The following MFHAS1 variants were observed in gnomAD, a reference collection of about 807,000 sequenced individuals.
MFHAS1 encodes the protein malignant fibrous histiocytoma-amplified sequence 1.
A neutral mutation model predicts 70.4 loss-of-function variants in MFHAS1; 50 were observed. The ratio of observed to expected loss-of-function variants is 0.71; its 90% CI spans 0.57 to 0.90. MFHAS1 has a LOEUF of 0.90. Ranked by LOEUF, MFHAS1 falls within the 40% of genes least tolerant of loss-of-function variation. The pLI, the probability that MFHAS1 is intolerant of heterozygous loss-of-function variation, is 0.00. For missense variants in MFHAS1, 1,795 were observed against 1,347.6 expected (o/e 1.33, Z -5.20); for synonymous variants, 952 against 620.0 (o/e 1.54, Z -7.96).
intron 1 of MFHAS1, among the ~76,000 whole-genome samples, chr8:8,855,999 C>G (rs191677359): frequency 1.1e-4 from 16 of 152,304 alleles, no homozygotes; most frequent in Non-Finnish European, 1.5e-5. Context: ...TCAGTTATTT[C>G]AATGCCAAAT....
chr8:8,841,959 C>G (rs1807844224), intron 1 of MFHAS1, among the ~76,000 whole-genome samples: 1 of 152,234 alleles, frequency 6.6e-6, no homozygotes, highest in Non-Finnish European at 1.5e-5. Flanking sequence ...AAAACCCCTA[C>G]TCAGTCTCAG....
rs59796124 is a variant in MFHAS1, at chr8:8,793,176, CA to C, written c.3125+4188del. 7.5e-3 allele frequency among the ~76,000 whole-genome samples: 1,092 copies of C among 144,920 alleles called. 11 individuals carry two copies. The highest frequency in any genetic ancestry group is 0.025 in the African/African-American group (994 of 40,050). The stretch of plus-strand genomic sequence containing the variant: ...ATAAGAGTAAATCATGTTGTTAAAA[CA>C]AAAAAAAAAATATCACTACCTACTT... On this transcript the variant is annotated intron_variant, in intron 2 of 2. Coordinates refer to ENST00000276282, the MANE Select transcript of MFHAS1 (RefSeq NM_004225.3).
chr8:8,853,071 G>A (rs773845274), intron 1 of MFHAS1, among the ~76,000 whole-genome samples: 2 of 152,108 alleles, frequency 1.3e-5, no homozygotes, highest in African/African-American at 2.4e-5. Flanking sequence ...GGCTCAGTCC[G>A]TGTGTCTGCT....
At chr8:8,889,811 A>G (rs1809917026) in intron 1 of MFHAS1, among the ~76,000 whole-genome samples, 1 of 152,208 alleles carries the variant, frequency 6.6e-6, no homozygotes, top group African/African-American at 2.4e-5. Context: ...AGGAGATGGC[A>G]AATGTTGTGA....
At position 8,890,740 on chromosome 8, in the gene MFHAS1, G is replaced by A. The variant is rs779243826; in HGVS notation, c.2319C>T (p.Ser773=). The A allele has an allele frequency of 1.1e-5, 18 of 1,613,754 alleles. No individual in the cohort carries two copies. In the Middle Eastern group the frequency reaches 8.2e-4, roughly 74 times the overall value. ...EGESSPPMAR[S]TPSQELLRAT... ...CCCGGAGCAGTTCCTGGCTGGGGGT[G>A]GACCGCGCCATGGGCGGGGAGCTTT... Residue 773 remains serine, a synonymous_variant, in exon 1 of 3, where the codon TCC becomes TCT. Coordinates refer to ENST00000276282, the MANE Select transcript of MFHAS1 (RefSeq NM_004225.3).
At chr8:8,883,763 T>C (rs1295922612) in intron 1 of MFHAS1, among the ~76,000 whole-genome samples, 4 of 118,804 alleles carry the variant, frequency 3.4e-5, no homozygotes, top group Admixed American at 2.4e-4. Flanking sequence ...AGCAAGTTAA[T>C]AGGTAGATGA....
intron 1 of MFHAS1, among the ~76,000 whole-genome samples, chr8:8,836,776 C>A (rs949684563): frequency 6.6e-6 from 1 of 152,176 alleles, no homozygotes; most frequent in Non-Finnish European, 1.5e-5. Flanking sequence ...TAGATAACTT[C>A]CTTTAGTTTC....
chr8:8,825,461 C>G (rs1388964080), intron 1 of MFHAS1, among the ~76,000 whole-genome samples: 1 of 152,214 alleles, frequency 6.6e-6, no homozygotes, highest in Non-Finnish European at 1.5e-5. Context: ...GTGTGAGCCA[C>G]CATGCCCAGC....
At position 8,785,984 on chromosome 8, in the gene MFHAS1, G is replaced by A; in HGVS notation, c.*38C>T. 2 of 1,610,182 alleles carry A rather than the reference G, an allele frequency of 1.2e-6. No individual in the cohort carries two copies. Among genetic ancestry groups the A allele is most frequent in the Non-Finnish European group, 1.7e-6 (2 of 1,176,606 alleles). The stretch of plus-strand genomic sequence containing the variant: ...CAAAAGATGGTCCAGGTGTTCAGAT[G>A]CTCTCTTTTCTCCATGGAAATTCCA... On this transcript the variant is annotated 3_prime_UTR_variant, in exon 3 of 3. Coordinates refer to ENST00000276282, the MANE Select transcript of MFHAS1 (RefSeq NM_004225.3).
At chr8:8,800,634 T>G (rs369448467) in intron 1 of MFHAS1, among the ~76,000 whole-genome samples, 3 of 152,180 alleles carry the variant, frequency 2.0e-5, no homozygotes, top group African/African-American at 7.2e-5. Context: ...GAGACTGCCC[T>G]CACCTAGCTC....
chr8:8,787,085 ATTT>A (rs371642880), intron 2 of MFHAS1, among the ~76,000 whole-genome samples: 4 of 128,014 alleles, frequency 3.1e-5, no homozygotes, highest in Non-Finnish European at 6.9e-5. Flanking sequence ...TATTATTATT[ATTT>A]TTTTTTTTTT....
chr8:8,853,205 A>T lies in MFHAS1; in HGVS notation c.2998+36856T>A, dbSNP rs545237526. 2.0e-5 allele frequency among the ~76,000 whole-genome samples: 3 copies of T among 151,986 alleles called. No individual in the cohort carries two copies. The South Asian group carries it at 6.2e-4, about 32-fold the overall frequency. ...TATACACCGACTCACACACACACTC[A>T]CATACCCCCCAAAAAAAATGGAGGC... On this transcript the variant is annotated intron_variant, in intron 1 of 2. Coordinates refer to ENST00000276282, the MANE Select transcript of MFHAS1 (RefSeq NM_004225.3).
In MFHAS1 at chr8:8,860,706, C is replaced by CA. The variant is rs570171362; in HGVS notation, c.2998+29354dup. ...GGACTGAGGGCTCCACGCATTCAAG[C>CA]AATAACTAAAGGAGAATCAGTGTGA... On this transcript the variant is annotated intron_variant, in intron 1 of 2. Transcript: ENST00000276282. 6.6e-5 allele frequency among the ~76,000 whole-genome samples: 10 copies of CA among 152,278 alleles called. No homozygotes were observed. In the South Asian group the frequency reaches 2.1e-3, roughly 32 times the overall value.
chr8:8,870,030 C>A (rs1809014021), intron 1 of MFHAS1, among the ~76,000 whole-genome samples: 1 of 152,032 alleles, frequency 6.6e-6, no homozygotes, highest in African/African-American at 2.4e-5. Flanking sequence ...TTGACATTTC[C>A]CCATTTGACC....
chr8:8,849,649 C>G (rs1338329135), intron 1 of MFHAS1, among the ~76,000 whole-genome samples: 1 of 152,164 alleles, frequency 6.6e-6, no homozygotes, highest in African/African-American at 2.4e-5. Flanking sequence ...GTCTCCTGGT[C>G]AAGAAATGAG....
At position 8,890,746 on chromosome 8, in the gene MFHAS1, C is replaced by A. The variant is rs1269510087; in HGVS notation, c.2313G>T (p.Ala771=). 1 of 1,613,642 alleles carries A rather than the reference C, an allele frequency of 6.2e-7. No homozygotes were observed. The highest frequency in any genetic ancestry group is 8.5e-7 in the Non-Finnish European group (1 of 1,179,786). The change falls in exon 1 of 3, where the codon GCG becomes GCT. Residue 771 remains alanine (A), a synonymous_variant. Transcript: ENST00000276282. ...GCAGTTCCTGGCTGGGGGTGGACCG[C>A]GCCATGGGCGGGGAGCTTTCCCCCT... ...KAEGESSPPM[A]RSTPSQELLR...
chr8:8,819,366 G>A (rs907114689), intron 1 of MFHAS1, among the ~76,000 whole-genome samples: 1 of 152,144 alleles, frequency 6.6e-6, no homozygotes, highest in Admixed American at 6.5e-5. Context: ...AGCACTTTGG[G>A]AGGCCGAGGT....
At chr8:8,863,011 G>A (rs1212407046) in intron 1 of MFHAS1, among the ~76,000 whole-genome samples, 2 of 152,178 alleles carry the variant, frequency 1.3e-5, no homozygotes, top group Admixed American at 1.3e-4. Context: ...CCCATTTCAA[G>A]TTAATTTGTG....
At chr8:8,876,906 C>T (rs916165224) in intron 1 of MFHAS1, among the ~76,000 whole-genome samples, 5 of 151,608 alleles carry the variant, frequency 3.3e-5, no homozygotes, top group Non-Finnish European at 7.4e-5. Context: ...TGCACTCCAG[C>T]CTGCATGACA....
Sources: allele counts gnomAD v4.1 joint callset (sites outside exome capture counted in the v4.1 genomes callset), GRCh38; gene constraint gnomAD v4.1.1; transcripts MANE v1.5; gene names NCBI Gene and HGNC (gene_info 2026-07-23, HGNC 2026-07-21).